The following ADK variants were observed in gnomAD, a reference collection of about 807,000 sequenced individuals.
ADK encodes N6,N6-dimethyladenosine kinase.
Under a neutral mutation model 44.7 loss-of-function variants are expected in ADK, and 24 were observed. The observed-to-expected ratio is 0.54, with a 90% CI of 0.39 to 0.76. The LOEUF (loss-of-function observed/expected upper bound fraction) is 0.76, where lower values mean the gene tolerates loss of function less well. ADK is among the 30% of genes least tolerant of loss of function. The pLI is 0.00. For synonymous variants in ADK, 128 were observed against 142.6 expected, an observed-to-expected ratio of 0.90 and a Z score of 0.73; for missense variants, 321 against 425.1, an observed-to-expected ratio of 0.76 and a Z score of 2.15.
intron 3 of ADK, 144 bp from the exon 4 acceptor site, chr10:74,314,518 TATAAG>T (rs1341002453): frequency 3.2e-6 from 2 of 628,582 alleles, no homozygotes; most frequent in South Asian, 3.7e-5. Flanking sequence ...GTATTTTTGT[TATAAG>T]ATATTTCAAT....
At chr10:74,566,201 CTTTTTTTT>C (rs772254919) in intron 7 of ADK, among the ~76,000 whole-genome samples, 1 of 114,024 alleles carries the variant, frequency 8.8e-6, no homozygotes, top group Non-Finnish European at 1.7e-5. Context: ...CTCTCTCTCT[CTTTTTTTT>C]TTTTTTTTTT....
At chr10:74,368,994 A>G (rs367988344) in intron 4 of ADK, among the ~76,000 whole-genome samples, 162 of 152,230 alleles carry the variant, frequency 1.1e-3, no homozygotes, top group Middle Eastern at 3.4e-3. Flanking sequence ...ATTTTTCTCC[A>G]GGGTGTTGGT....
At chr10:74,411,989 A>G (rs1844199020) in intron 6 of ADK, among the ~76,000 whole-genome samples, 1 of 152,202 alleles carries the variant, frequency 6.6e-6, no homozygotes, top group Non-Finnish European at 1.5e-5. Context: ...TTCAAGTTTT[A>G]TCATGTGATT....
chr10:74,372,664 T>C (rs991984753), intron 4 of ADK, among the ~76,000 whole-genome samples: 1 of 152,086 alleles, frequency 6.6e-6, no homozygotes, highest in African/African-American at 2.4e-5. Flanking sequence ...AGTGTGGAAC[T>C]TATACTCTAA....
chr10:74,569,780 A>G (rs1850864982), intron 7 of ADK, among the ~76,000 whole-genome samples: 1 of 152,218 alleles, frequency 6.6e-6, no homozygotes, highest in Non-Finnish European at 1.5e-5. Flanking sequence ...TAGCTTAATC[A>G]GATCCCATTT....
At chr10:74,292,528 A>G (rs1472277718) in intron 3 of ADK, among the ~76,000 whole-genome samples, 1 of 152,102 alleles carries the variant, frequency 6.6e-6, no homozygotes, top group African/African-American at 2.4e-5. Flanking sequence ...ATCTGCTTGT[A>G]TTTTTGATAT....
At chr10:74,410,889 TTAAA>T (rs1268900963) in intron 6 of ADK, among the ~76,000 whole-genome samples, 10 of 152,312 alleles carry the variant, frequency 6.6e-5, no homozygotes, top group East Asian at 5.8e-4. Flanking sequence ...ATATATAGCA[TTAAA>T]TAGAGTTCAA....
At chr10:74,656,931 C>T (rs185169737) in intron 9 of ADK, among the ~76,000 whole-genome samples, 1 of 152,262 alleles carries the variant, frequency 6.6e-6, no homozygotes, top group African/African-American at 2.4e-5. Flanking sequence ...ACAATCACAG[C>T]TCACTGCATC....
chr10:74,585,579 G>A (rs926151939), intron 7 of ADK, among the ~76,000 whole-genome samples: 1 of 152,140 alleles, frequency 6.6e-6, no homozygotes, highest in South Asian at 2.1e-4. Flanking sequence ...GTACTCTCAG[G>A]GGAGCAGGAA....
At chr10:74,367,698 C>T (rs1230224517) in intron 4 of ADK, among the ~76,000 whole-genome samples, 1 of 152,134 alleles carries the variant, frequency 6.6e-6, no homozygotes, top group African/African-American at 2.4e-5. Context: ...GATGGTTTGC[C>T]TTGTTTCAGC....
intron 4 of ADK, among the ~76,000 whole-genome samples, chr10:74,385,949 G>T (rs1349479491): frequency 6.6e-6 from 1 of 152,120 alleles, no homozygotes; most frequent in Non-Finnish European, 1.5e-5. Flanking sequence ...TTATTAATAG[G>T]ATGCTTGCTG....
At chr10:74,477,573 T>C (rs1846902534) in intron 6 of ADK, among the ~76,000 whole-genome samples, 1 of 152,070 alleles carries the variant, frequency 6.6e-6, no homozygotes, top group Non-Finnish European at 1.5e-5. Context: ...TCCTAGAAGA[T>C]TTTTCTTTCC....
chr10:74,157,716 T>TAAAAAAAA (rs35499084), intron 1 of ADK, among the ~76,000 whole-genome samples: 2 of 133,920 alleles, frequency 1.5e-5, no homozygotes, highest in Non-Finnish European at 1.6e-5. Flanking sequence ...CCATCTTTAC[T>TAAAAAAAA]AAAAAAAAAA....
At chr10:74,394,820 A>G (rs1800768459) in intron 5 of ADK, among the ~76,000 whole-genome samples, 1 of 152,186 alleles carries the variant, frequency 6.6e-6, no homozygotes, top group Non-Finnish European at 1.5e-5. Context: ...ATAGTAATTC[A>G]TTCATATTGA....
chr10:74,624,363 T>G (rs1853107371), intron 9 of ADK, among the ~76,000 whole-genome samples: 4 of 152,086 alleles, frequency 2.6e-5, no homozygotes, highest in Admixed American at 2.6e-4. Context: ...TTTAAATTTT[T>G]GTGTTTTTAA....
intron 10 of ADK, among the ~76,000 whole-genome samples, chr10:74,703,410 G>C (rs1220868111): frequency 6.6e-6 from 1 of 151,870 alleles, no homozygotes; most frequent in African/African-American, 2.4e-5. Context: ...TGAGCCTAGG[G>C]AGTTGAGGCT....
chr10:74,624,245 AGT>A (rs1170910780), intron 9 of ADK, among the ~76,000 whole-genome samples: 2 of 143,328 alleles, frequency 1.4e-5, no homozygotes, highest in Non-Finnish European at 3.0e-5. Context: ...TTTTTTTTTT[AGT>A]ATCCCAATAG....
chr10:74,635,365 C>T (rs1233500205), intron 9 of ADK, among the ~76,000 whole-genome samples: 1 of 152,144 alleles, frequency 6.6e-6, no homozygotes, highest in Non-Finnish European at 1.5e-5. Context: ...AATTCTATCT[C>T]CAGCAATATT....
At chr10:74,594,897 G>C (rs1271153631) in intron 8 of ADK, among the ~76,000 whole-genome samples, 1 of 152,134 alleles carries the variant, frequency 6.6e-6, no homozygotes, top group Non-Finnish European at 1.5e-5. Context: ...TATATGGCCG[G>C]GTGTGGTGGC....
Sources: allele counts gnomAD v4.1 joint callset (sites outside exome capture counted in the v4.1 genomes callset), GRCh38; gene constraint gnomAD v4.1.1; transcripts MANE v1.5; gene names NCBI Gene and HGNC (gene_info 2026-07-23, HGNC 2026-07-21).